LY75: variants seen among roughly 807,000 people sequenced by gnomAD.
The protein encoded by LY75 is lymphocyte antigen 75, also known as C-type lectin domain family 13 member B.
In LY75, 185 loss-of-function variants were observed where a neutral mutation model predicts 231.7. That is an observed-to-expected ratio of 0.80 (90% CI 0.71 to 0.90). The LOEUF is 0.90. LY75 is among the 40% of genes least tolerant of loss of function. The pLI, the probability that LY75 is intolerant of heterozygous loss-of-function variation, is 0.00. For missense variants in LY75, 1,947 were observed against 2,050.2 expected, an observed-to-expected ratio of 0.95 and a Z score of 0.97; for synonymous variants, 668 against 689.0, an observed-to-expected ratio of 0.97 and a Z score of 0.48.
intron 15 of LY75, 44 bp from the exon 16 acceptor site, chr2:159,858,520 T>A (rs1419356426): frequency 2.5e-6 from 4 of 1,577,368 alleles, no homozygotes; most frequent in Non-Finnish European, 2.6e-6. Context: ...AGTTGATACA[T>A]CCCTTATGGA....
chr2:159,850,359 T>G lies in LY75; in HGVS notation c.2989+3A>C. The G allele has an allele frequency of 6.2e-7, 1 of 1,613,594 alleles. No individual in the cohort carries two copies. The highest frequency in any genetic ancestry group is 8.5e-7 in the Non-Finnish European group (1 of 1,179,704). On this transcript the variant is annotated splice_donor_region_variant and intron_variant, in intron 22 of 34. Coordinates refer to ENST00000263636, the MANE Select transcript of LY75 (RefSeq NM_002349.4). ...AAACATGTTTCCCAAATAATTCCAG[T>G]ACCTTGTTCAATCTGGCTCAACACT...
chr2:159,867,085 G>A (rs778790816), intron 13 of LY75, among the ~76,000 whole-genome samples: 17 of 152,066 alleles, frequency 1.1e-4, no homozygotes, highest in Non-Finnish European at 2.4e-4. Flanking sequence ...GAGTTTGCTC[G>A]ATTGTCCAAA....
intron 1 of LY75, among the ~76,000 whole-genome samples, chr2:159,900,421 T>C (rs1482170011): frequency 6.6e-6 from 1 of 152,234 alleles, no homozygotes; most frequent in Non-Finnish European, 1.5e-5. Context: ...AGCTGAAATA[T>C]TTTAGACAAG....
intron 16 of LY75, among the ~76,000 whole-genome samples, chr2:159,856,168 CAT>C (rs1684544370): frequency 6.6e-6 from 1 of 152,096 alleles, no homozygotes; most frequent in African/African-American, 2.4e-5. Flanking sequence ...AGATTGCAAA[CAT>C]GTATGTGTGT....
chr2:159,834,102 T>C lies in LY75; in HGVS notation c.3783A>G (p.Thr1261=). 6.2e-7 allele frequency: 1 copy of C among 1,614,068 alleles called. No individual in the cohort carries two copies. Among genetic ancestry groups the C allele is most frequent in the South Asian group, 1.1e-5 (1 of 91,086 alleles). ...FQNCCYNFII[T]KNRHMATTQD... ...GTGTTGTTGCCATATGCCTATTCTT[T>C]GTTATTATGAAATTGTAGCAACAGT... Residue 1261 remains threonine, a synonymous_variant, in exon 27 of 35, where the codon ACA becomes ACG. Coordinates refer to ENST00000263636, the MANE Select transcript of LY75 (RefSeq NM_002349.4).
chr2:159,850,808 A>C (rs1684379204), intron 21 of LY75, among the ~76,000 whole-genome samples: 1 of 130,896 alleles, frequency 7.6e-6, no homozygotes, highest in Admixed American at 7.9e-5. Context: ...ATTATATCTT[A>C]TATATAAGAT....
At chr2:159,808,724 G>A (rs1205582433) in intron 32 of LY75, 153 bp from the exon 33 acceptor site, 2 of 735,528 alleles carry the variant, frequency 2.7e-6, no homozygotes, top group Non-Finnish European at 3.3e-6. Flanking sequence ...CTGGTATTTA[G>A]GTCAAAATTT....
chr2:159,864,950 G>A (rs1047854323), intron 13 of LY75, 30 bp from the exon 14 acceptor site: 6 of 1,571,484 alleles, frequency 3.8e-6, no homozygotes, highest in Non-Finnish European at 5.2e-6. Flanking sequence ...TAAAAATACA[G>A]GACAATGCTT....
At chr2:159,904,296 G>T (rs1363779835) in intron 1 of LY75, among the ~76,000 whole-genome samples, 1 of 152,210 alleles carries the variant, frequency 6.6e-6, no homozygotes, top group Non-Finnish European at 1.5e-5. Flanking sequence ...AGCGCACCCG[G>T]CCAAAAAAGC....
At position 159,882,284 on chromosome 2, in the gene LY75, A is replaced by T; in HGVS notation, c.1086T>A (p.Asp362Glu). Reference protein sequence around the residue: ...DVWTYSDTRCDAGWLPNNGFC... With the variant: ...DVWTYSDTRCEAGWLPNNGFC... Reference sequence around the variant, plus strand: ...ATCCATTATTTGGCAGCCAGCCTGCATCACAGCGGGTATCTGAGTATGTCC... The same window carrying T: ...ATCCATTATTTGGCAGCCAGCCTGCTTCACAGCGGGTATCTGAGTATGTCC... Residue 362 changes from aspartate to glutamate, a missense_variant, in exon 7 of 35, where the codon GAT (aspartate) becomes GAA (glutamate). By Grantham distance (45) the Asp-to-Glu change is conservative. Transcript: ENST00000263636. 1 of 1,614,014 alleles carries T rather than the reference A, an allele frequency of 6.2e-7. No individual in the cohort carries two copies. Among genetic ancestry groups the T allele is most frequent in the Non-Finnish European group, 8.5e-7 (1 of 1,179,894 alleles).
rs1394308899 is a variant in LY75 at position 159,898,688 on chromosome 2, CATG to C, written c.463_465del (p.His155del). The C allele has an allele frequency of 1.2e-6, 2 of 1,608,712 alleles. No individual in the cohort carries two copies. The highest frequency in any genetic ancestry group is 1.7e-6 in the Non-Finnish European group (2 of 1,176,018). On this transcript the variant is annotated inframe_deletion and splice_region_variant, in exon 2 of 35. Transcript: ENST00000263636. ...GTCAAAGTCCCTCTCTAATACTCAC[CATG>C]ATAAGGCTGGTCACAAAGGCTTTCC...
At chr2:159,899,394 G>A (rs1218546425) in intron 1 of LY75, among the ~76,000 whole-genome samples, 1 of 152,164 alleles carries the variant, frequency 6.6e-6, no homozygotes, top group Non-Finnish European at 1.5e-5. Flanking sequence ...CATGTAAAGC[G>A]TGTAGAGTAG....
At chr2:159,829,023 TG>T (rs1683567447) in intron 28 of LY75, among the ~76,000 whole-genome samples, 1 of 152,174 alleles carries the variant, frequency 6.6e-6, no homozygotes, top group Non-Finnish European at 1.5e-5. Flanking sequence ...GGAATACTAG[TG>T]GGTATTGTGT....
chr2:159,841,865 C>A (rs1418151442), intron 24 of LY75, among the ~76,000 whole-genome samples: 1 of 151,910 alleles, frequency 6.6e-6, no homozygotes, highest in Admixed American at 6.6e-5. Context: ...CTACTATTAA[C>A]AAATTCCATC....
chr2:159,893,016 T>C (rs1685806172), intron 3 of LY75, among the ~76,000 whole-genome samples: 1 of 152,160 alleles, frequency 6.6e-6, no homozygotes, highest in Non-Finnish European at 1.5e-5. Flanking sequence ...CTTTGCTTTT[T>C]TAAATAAAAA....
intron 3 of LY75, among the ~76,000 whole-genome samples, chr2:159,893,567 T>C (rs1685821502): frequency 6.6e-6 from 1 of 152,196 alleles, no homozygotes; most frequent in Admixed American, 6.5e-5. Context: ...TCATGCTTCA[T>C]TCCACTACAA....
chr2:159,870,267 A>G (rs1199573970), intron 13 of LY75, among the ~76,000 whole-genome samples: 1 of 152,122 alleles, frequency 6.6e-6, no homozygotes, highest in Non-Finnish European at 1.5e-5. Context: ...CCTGGGCAAC[A>G]TGGAAAAACC....
intron 31 of LY75, among the ~76,000 whole-genome samples, chr2:159,813,423 T>C (rs1386105268): frequency 6.6e-6 from 1 of 152,060 alleles, no homozygotes; most frequent in Non-Finnish European, 1.5e-5. Flanking sequence ...AATTGGTGGC[T>C]TAAAACAACA....
At position 159,878,413 on chromosome 2, in the gene LY75, T is replaced by C. The variant is rs1685335488; in HGVS notation, c.1685A>G (p.Asp562Gly). 1 of 1,613,994 alleles carries C rather than the reference T, an allele frequency of 6.2e-7. No homozygotes were observed. The change falls in exon 11 of 35, where the codon GAT becomes GGT. Residue 562 changes from aspartate to glycine, a missense_variant. By Grantham distance (94) the Asp-to-Gly change is moderately conservative (BLOSUM62 -1). Transcript: ENST00000263636. ...GTTATACTCTCCACAAGAATCTACATCTCTCAGGCCAGTCCAGAAGTATTT... is the reference window on the plus strand; with the variant it reads ...GTTATACTCTCCACAAGAATCTACACCTCTCAGGCCAGTCCAGAAGTATTT... ...LRKYFWTGLR[D>G]VDSCGEYNWA... is the part of the protein sequence containing the mutation.
Sources: gnomAD v4.1 joint callset for allele counts (sites outside exome capture counted in the v4.1 genomes callset) on GRCh38, gnomAD v4.1.1 for gene constraint, MANE v1.5 for transcripts, NCBI Gene and HGNC (gene_info 2026-07-23, HGNC 2026-07-21) for gene names.